Variants in KEL observed in about 807,000 individuals in gnomAD.
KEL encodes Kell metallo-endopeptidase (Kell blood group), also known as kell blood group glycoprotein.
KEL carries 96 observed loss-of-function variants against 99.5 expected under a neutral mutation model. The observed-to-expected ratio is 0.97, with a 90% confidence interval of 0.82 to 1.14. The LOEUF is 1.14. Among genes scored for constraint, KEL ranks in the 50% most tolerant of loss-of-function variants. KEL has a pLI of 0.00. For missense variants in KEL, 926 were observed against 924.2 expected, an observed-to-expected ratio of 1.00 and a Z score of -0.03; for synonymous variants, 355 against 354.8, an observed-to-expected ratio of 1.00 and a Z score of -0.01.
chr7:142,958,532 C>A, intron 4 of KEL, 104 bp from the exon 5 acceptor site: 1 of 1,045,200 alleles, frequency 9.6e-7, no homozygotes. Flanking sequence ...ATCATAAGTT[C>A]TCATCAGATG....
At chr7:142,961,213 A>G (rs1037372823) in intron 3 of KEL, 109 bp from the exon 4 acceptor site, 1 of 1,520,816 alleles carries the variant, frequency 6.6e-7, no homozygotes, top group Non-Finnish European at 9.1e-7. Flanking sequence ...AGCTGATGAA[A>G]AAGAAATGGT....
At chr7:142,952,216 G>T (rs376577313) in intron 10 of KEL, among the ~76,000 whole-genome samples, 3 of 152,194 alleles carry the variant, frequency 2.0e-5, no homozygotes, top group African/African-American at 7.2e-5. Context: ...TCATGACAAA[G>T]AAAGGGCAGT....
rs142604829 is a variant in KEL at position 142,944,717 on chromosome 7, G to A, written c.1339C>T (p.Arg447Trp). The A allele has an allele frequency of 1.3e-5, 21 of 1,613,892 alleles. No homozygotes were observed. The highest frequency in any genetic ancestry group is 1.1e-4 in the African/African-American group (8 of 74,914). Residue 447 changes from arginine (R) to tryptophan (W), a missense_variant, in exon 12 of 19, where the codon CGG (arginine) becomes TGG (tryptophan). Coordinates refer to ENST00000355265, the MANE Select transcript of KEL (RefSeq NM_000420.3). ...CTGAGGCGAGTGATGAGGGCATCCC[G>A]GATCGCAGTGAATAATTTCATGGCC... Reference protein sequence around the residue: ...SAAMKLFTAIRDALITRLRNL... With the variant: ...SAAMKLFTAIWDALITRLRNL...
In KEL at chr7:142,958,110, C is replaced by A. The variant is rs939662060; in HGVS notation, c.526-137G>T. ...GATTCCTCTAGGAAGCCACATCTAT[C>A]CTTTTTTATCTGCCTTCTCCCAAGG... On this transcript the variant is annotated intron_variant, in intron 5 of 18. Transcript: ENST00000355265. The A allele has an allele frequency of 9.2e-6, 12 of 1,303,524 alleles. No individual in the cohort carries two copies. In the African/African-American group the frequency reaches 1.8e-4, roughly 19 times the overall value. 80.7% of individuals were successfully genotyped at this position (1,303,524 alleles called of 1,614,324 possible). A position where few individuals can be genotyped will look rare whatever the true frequency, so the allele number is the denominator to read the frequency against.
Position 142,961,029 on chromosome 7 carries a change from C to G in KEL, c.299G>C (p.Cys100Ser), listed in dbSNP as rs200268316. 1.2e-5 allele frequency: 19 copies of G among 1,614,176 alleles called. No individual in the cohort carries two copies. The East Asian group carries it at 4.0e-4, about 34-fold the overall frequency. Residue 100 changes from cysteine to serine, a missense_variant, in exon 4 of 19, where the codon TGC becomes TCC. Physicochemically the swap from Cys to Ser is moderately radical, Grantham distance 112 (BLOSUM62 -1). Transcript: ENST00000355265. ...LASGNTSVAP[C>S]TDFFSFACGR... The stretch of plus-strand genomic sequence containing the variant: ...ACAGGCAAAGCTGAAGAAGTCGGTG[C>G]AGGGGGCCACACTTGTGTTCCCAGA...
intron 11 of KEL, 104 bp from the exon 12 acceptor site, chr7:142,944,845 G>T: frequency 1.2e-6 from 1 of 851,348 alleles, no homozygotes; most frequent in Non-Finnish European, 2.0e-6. Flanking sequence ...GCCCCAAGGA[G>T]CTGCCTGGGC....
At chr7:142,953,710 C>A in intron 9 of KEL, 98 bp downstream of exon 9, 1 of 1,447,716 alleles carries the variant, frequency 6.9e-7, no homozygotes, top group Non-Finnish European at 9.6e-7. Flanking sequence ...GAGGCCCTTA[C>A]CAGCCTGCCT....
chr7:142,958,045 T>C (rs1796871532), intron 5 of KEL, 72 bp from the exon 6 acceptor site: 1 of 1,555,414 alleles, frequency 6.4e-7, no homozygotes. Flanking sequence ...GATCGGCTCT[T>C]ACACAGCTGC....
At chr7:142,946,117 C>A (rs189626869) in intron 11 of KEL, 90 bp downstream of exon 11, 51 of 917,988 alleles carry the variant, frequency 5.6e-5, no homozygotes, top group Admixed American at 2.0e-4. Context: ...TCACACACAC[C>A]ACTGAGAAAG....
rs1309042288 is a variant in KEL, at chr7:142,943,295, C to T, written c.1752G>A (p.Leu584=). 2 of 1,613,920 alleles carry T rather than the reference C, an allele frequency of 1.2e-6. No homozygotes were observed. Among genetic ancestry groups the T allele is most frequent in the Non-Finnish European group, 1.7e-6 (2 of 1,179,964 alleles). Residue 584 remains leucine (L), a synonymous_variant, in exon 16 of 19, where the codon TTG becomes TTA. Coordinates refer to ENST00000355265, the MANE Select transcript of KEL (RefSeq NM_000420.3). ...ACCCACAGAGCTGGTAGAAGATGTG[C>T]AACAGCTCGTGGGCCATGATGCTGC... ...AAGSIMAHEL[L]HIFYQLLLPG...
At chr7:142,943,969 A>C in intron 13 of KEL, 86 bp from the exon 14 acceptor site, 5 of 1,143,814 alleles carry the variant, frequency 4.4e-6, no homozygotes, top group Non-Finnish European at 5.2e-6. Context: ...ATTTGACCCC[A>C]AACAGGCAAG....
At chr7:142,954,598 G>T in intron 6 of KEL, 71 bp from the exon 7 acceptor site, 3 of 1,332,654 alleles carry the variant, frequency 2.3e-6, no homozygotes, top group Non-Finnish European at 3.2e-6. Context: ...GGGAGGTGGG[G>T]AATATACCAT....
chr7:142,944,747 G>A lies in KEL; in HGVS notation c.1315-6C>T. On this transcript the variant is annotated splice_polypyrimidine_tract_variant and splice_region_variant and intron_variant, in intron 11 of 18. Transcript: ENST00000355265. ...GCAGTGAATAATTTCATGGCCTGTG[G>A]GAGTGAGGTCCAGGGACAGGGGGAC... The A allele has an allele frequency of 6.2e-7, 1 of 1,609,918 alleles. No individual in the cohort carries two copies. The highest frequency in any genetic ancestry group is 8.5e-7 in the Non-Finnish European group (1 of 1,176,256).
At chr7:142,946,505 G>A in intron 10 of KEL, 188 bp from the exon 11 acceptor site, 1 of 626,952 alleles carries the variant, frequency 1.6e-6, no homozygotes, top group South Asian at 1.9e-5. Flanking sequence ...AGCTTCCTCA[G>A]AGCTGGTCTC....
intron 11 of KEL, 50 bp downstream of exon 11, chr7:142,946,157 T>G: frequency 2.3e-6 from 3 of 1,301,040 alleles, no homozygotes; most frequent in Non-Finnish European, 3.3e-6. Context: ...GAAGGCTGCT[T>G]TGGGTAGGAA....
intron 9 of KEL, among the ~76,000 whole-genome samples, chr7:142,952,947 T>G (rs530003358): frequency 6.6e-6 from 1 of 152,260 alleles, no homozygotes; most frequent in East Asian, 1.9e-4. Context: ...AGTCAAGATA[T>G]CTCTGGTTAT....
At chr7:142,950,827 T>C (rs1193710971) in intron 10 of KEL, among the ~76,000 whole-genome samples, 2 of 152,226 alleles carry the variant, frequency 1.3e-5, no homozygotes, top group African/African-American at 4.8e-5. Flanking sequence ...GTATAGTGTG[T>C]GGTTAAAAAC....
intron 10 of KEL, among the ~76,000 whole-genome samples, chr7:142,947,997 C>T (rs999893644): frequency 2.0e-5 from 3 of 152,236 alleles, no homozygotes; most frequent in African/African-American, 7.2e-5. Context: ...TACCTCTTAC[C>T]AGACAGTTGC....
chr7:142,957,734 C>T lies in KEL; in HGVS notation c.672+93G>A, dbSNP rs1233526235. 4 of 1,515,354 alleles carry T rather than the reference C, an allele frequency of 2.6e-6. No individual in the cohort carries two copies. The Admixed American group carries it at 5.0e-5, about 19-fold the overall frequency. The allele number at this position is 1,515,354 out of a possible 1,614,324, so 93.9% of individuals were successfully genotyped here. ...GTTTCCTATATCACACAGGTGTCCT[C>T]TCTTCCCAACCTGCAACCTTCCTCT... is the stretch of plus-strand genomic sequence containing the variant. On this transcript the variant is annotated intron_variant, in intron 6 of 18. Transcript: ENST00000355265.
Sources: allele counts gnomAD v4.1 joint callset (sites outside exome capture counted in the v4.1 genomes callset), GRCh38; gene constraint gnomAD v4.1.1; transcripts MANE v1.5; gene names NCBI Gene and HGNC (gene_info 2026-07-23, HGNC 2026-07-21).